The following AIM2 variants were observed in gnomAD, a reference collection of about 807,000 sequenced individuals.
AIM2 encodes interferon-inducible protein AIM2.
AIM2 carries 30 observed loss-of-function variants against 27.7 expected under a neutral mutation model. The ratio of observed to expected loss-of-function variants is 1.08; its 90% confidence interval spans 0.81 to 1.47. AIM2 has a LOEUF of 1.47. AIM2 is among the 40% of genes most tolerant of loss of function. AIM2 has a pLI of 0.00. For missense variants in AIM2, 358 were observed against 411.3 expected, an observed-to-expected ratio of 0.87 and a Z score of 1.12; for synonymous variants, 141 against 145.3, an observed-to-expected ratio of 0.97 and a Z score of 0.21.
At chr1:159,094,531 T>C (rs1245692035) in intron 1 of AIM2, among the ~76,000 whole-genome samples, 1 of 152,158 alleles carries the variant, frequency 6.6e-6, no homozygotes, top group Non-Finnish European at 1.5e-5. Context: ...ACTTTGTCTC[T>C]ACTAAAAATA....
At chr1:159,061,779 TTAA>T (rs1189161577), downstream of AIM2, among the ~76,000 whole-genome samples, 5 of 152,108 alleles carry the variant, frequency 3.3e-5, no homozygotes, top group Non-Finnish European at 7.4e-5. Flanking sequence ...TTCAATGCTC[TTAA>T]TGGTACCTTT....
chr1:159,090,329 C>T (rs1311112608), intron 1 of AIM2, among the ~76,000 whole-genome samples: 1 of 152,174 alleles, frequency 6.6e-6, no homozygotes. Flanking sequence ...AAATAAAGTG[C>T]AGGAATGCAG....
intron 1 of AIM2, among the ~76,000 whole-genome samples, chr1:159,136,732 A>C (rs892622163): frequency 2.6e-5 from 4 of 152,262 alleles, no homozygotes; most frequent in African/African-American, 9.6e-5. Flanking sequence ...TTCTGGGATA[A>C]GGTCTATTTG....
At chr1:159,146,176 G>A (rs1271446203) in intron 1 of AIM2, among the ~76,000 whole-genome samples, 2 of 152,010 alleles carry the variant, frequency 1.3e-5, no homozygotes, top group Non-Finnish European at 2.9e-5. Context: ...GGTCAAGAAG[G>A]ATGAGGAAAC....
At chr1:159,072,168 T>G (rs573997488) in intron 2 of AIM2, among the ~76,000 whole-genome samples, 29 of 152,236 alleles carry the variant, frequency 1.9e-4, no homozygotes, top group Non-Finnish European at 3.2e-4. Flanking sequence ...CATGTGTAGT[T>G]ACTGCCATCT....
At chr1:159,058,117 G>C (rs916228736), downstream of AIM2, among the ~76,000 whole-genome samples, 1 of 152,168 alleles carries the variant, frequency 6.6e-6, no homozygotes, top group Non-Finnish European at 1.5e-5. Flanking sequence ...ATTTTGGGAG[G>C]CCAAGGCCAG....
chr1:159,127,658 C>T (rs1404345821), intron 1 of AIM2, among the ~76,000 whole-genome samples: 1 of 152,166 alleles, frequency 6.6e-6, no homozygotes, highest in African/African-American at 2.4e-5. Context: ...CATAAGTGCT[C>T]TTATGAAAGA....
At chr1:159,069,899 C>T (rs911377397) in intron 2 of AIM2, among the ~76,000 whole-genome samples, 2 of 152,178 alleles carry the variant, frequency 1.3e-5, no homozygotes, top group Non-Finnish European at 2.9e-5. Flanking sequence ...CGAGGGGACC[C>T]CATCCTGCCC....
downstream of AIM2, among the ~76,000 whole-genome samples, chr1:159,061,042 C>T (rs749301358): frequency 1.3e-5 from 2 of 152,154 alleles, no homozygotes; most frequent in Non-Finnish European, 2.9e-5. Flanking sequence ...CCTTCTCAGA[C>T]CTTAGCATTG....
At chr1:159,122,602 C>T (rs1647566135) in intron 1 of AIM2, among the ~76,000 whole-genome samples, 1 of 152,134 alleles carries the variant, frequency 6.6e-6, no homozygotes, top group South Asian at 2.1e-4. Context: ...CTGGGATCCA[C>T]TTGTTCAGAA....
chr1:159,067,895 C>CA (rs1158844594), intron 3 of AIM2, among the ~76,000 whole-genome samples: 1 of 152,130 alleles, frequency 6.6e-6, no homozygotes, highest in Non-Finnish European at 1.5e-5. Flanking sequence ...CTAAAGTAAT[C>CA]ATTCTCACCA....
At chr1:159,136,514 C>T (rs757761084) in intron 1 of AIM2, among the ~76,000 whole-genome samples, 5 of 152,162 alleles carry the variant, frequency 3.3e-5, no homozygotes, top group African/African-American at 4.8e-5. Flanking sequence ...GAAGTTGCTG[C>T]TTCTACTATG....
chr1:159,124,845 G>A (rs2102043787), intron 1 of AIM2, among the ~76,000 whole-genome samples: 1 of 152,340 alleles, frequency 6.6e-6, no homozygotes, highest in East Asian at 1.9e-4. Context: ...AGAAGGTTGT[G>A]CAGGAGAAAA....
chr1:159,131,653 T>C (rs906349895), intron 1 of AIM2, among the ~76,000 whole-genome samples: 2 of 152,164 alleles, frequency 1.3e-5, no homozygotes, highest in African/African-American at 4.8e-5. Context: ...GAAGACATAT[T>C]CATTTCAGTT....
chr1:159,091,582 T>A (rs908511425), intron 1 of AIM2, among the ~76,000 whole-genome samples: 1 of 152,254 alleles, frequency 6.6e-6, no homozygotes, highest in Non-Finnish European at 1.5e-5. Context: ...GTGCAATCGT[T>A]ACATTATCCT....
rs200020470 is a variant in AIM2 at position 159,073,404 on chromosome 1, C to T, written c.96G>A (p.Glu32=). 2.5e-6 allele frequency: 4 copies of T among 1,614,056 alleles called. No homozygotes were observed. Among genetic ancestry groups the T allele is most frequent in the African/African-American group, 1.3e-5 (1 of 74,926 alleles). The change falls in exon 2 of 6, where the codon GAG becomes GAA. Residue 32 remains glutamate (E), a synonymous_variant. Coordinates refer to ENST00000368130, the MANE Select transcript of AIM2 (RefSeq NM_004833.3). ...GTAGTTTGCCTGTGGCAATATTAAA[C>T]TCGTCTGAAAGAAAGAACTTAAACC... ...LDRFKFFLSD[E]FNIATGKLHT...
intron 1 of AIM2, among the ~76,000 whole-genome samples, chr1:159,085,449 G>C (rs1327308363): frequency 2.6e-5 from 4 of 152,202 alleles, no homozygotes; most frequent in African/African-American, 7.2e-5. Flanking sequence ...TACAGAGACA[G>C]GGAGTACCCA....
At chr1:159,056,386 C>G in the AIM2 span, among the ~76,000 whole-genome samples, 2 of 152,030 alleles carry the variant, frequency 1.3e-5, no homozygotes, top group African/African-American at 4.8e-5. Flanking sequence ...TCTCATTGCC[C>G]CCTCTAAAGA....
At chr1:159,099,981 A>C (rs537678572) in intron 1 of AIM2, among the ~76,000 whole-genome samples, 5 of 152,284 alleles carry the variant, frequency 3.3e-5, no homozygotes, top group African/African-American at 9.6e-5. Context: ...TACCGTGAGA[A>C]TCGTTTGTGC....
Sources: gnomAD v4.1 joint callset for allele counts (sites outside exome capture counted in the v4.1 genomes callset) on GRCh38, gnomAD v4.1.1 for gene constraint, MANE v1.5 for transcripts, NCBI Gene and HGNC (gene_info 2026-07-23, HGNC 2026-07-21) for gene names.